Variants in PALS2 observed in about 807,000 individuals in gnomAD.
PALS2 encodes the protein protein associated with LIN7 2, MAGUK p55 family member.
Under a neutral mutation model 61.6 loss-of-function variants are expected in PALS2, and 27 were observed. The observed-to-expected ratio is 0.44, with a 90% CI of 0.32 to 0.60. The LOEUF is 0.60. PALS2 is among the 20% of genes least tolerant of loss of function. The pLI, the probability that PALS2 is intolerant of heterozygous loss-of-function variation, is 0.05. For missense variants in PALS2, 554 were observed against 639.4 expected (o/e 0.87, Z 1.44); for synonymous variants, 236 against 218.6 (o/e 1.08, Z -0.70).
Position 24,623,710 on chromosome 7 carries a change from A to G in PALS2, c.43A>G (p.Thr15Ala), listed in dbSNP as rs1248145833. The G allele has an allele frequency of 1.2e-6, 2 of 1,608,696 alleles. No individual in the cohort carries two copies. The highest frequency in any genetic ancestry group is 1.7e-4 in the Middle Eastern group (1 of 6,036). The change falls in exon 2 of 12, where the codon ACT becomes GCT. Residue 15 changes from threonine (T) to alanine (A), a missense_variant. Thr to Ala is a moderately conservative substitution (Grantham distance 58). Transcript: ENST00000222644. ...LENLTELPSS[T>A]GAEEIDLIFL... ...AAACCTTACGGAGCTGCCCTCGTCTACTGGAGCAGAAGAAATAGACCTAAT... is the reference window on the plus strand; with the variant it reads ...AAACCTTACGGAGCTGCCCTCGTCTGCTGGAGCAGAAGAAATAGACCTAAT...
At chr7:24,584,839 A>G (rs1048457410) in intron 1 of PALS2, among the ~76,000 whole-genome samples, 4 of 151,760 alleles carry the variant, frequency 2.6e-5, no homozygotes, top group African/African-American at 9.7e-5. Flanking sequence ...TAATTTTTGT[A>G]TAAGGTGTAA....
At chr7:24,641,934 A>G (rs1462423900) in intron 3 of PALS2, 66 bp downstream of exon 3, 1 of 1,493,554 alleles carries the variant, frequency 6.7e-7, no homozygotes, top group Admixed American at 2.1e-5. Context: ...TTTACTTTCC[A>G]GTTTAAGGTG....
chr7:24,660,418 A>G (rs187125497), intron 5 of PALS2, among the ~76,000 whole-genome samples: 189 of 151,970 alleles, frequency 1.2e-3, no homozygotes, highest in African/African-American at 4.2e-3. Flanking sequence ...ATCCTTTTTC[A>G]CCTTTCACCT....
chr7:24,677,872 A>G (rs1158884424), intron 9 of PALS2, among the ~76,000 whole-genome samples: 1 of 152,214 alleles, frequency 6.6e-6, no homozygotes, highest in African/African-American at 2.4e-5. Flanking sequence ...GTCCTATTAT[A>G]CATAATGATC....
chr7:24,643,616 A>G (rs895697946), intron 3 of PALS2, among the ~76,000 whole-genome samples: 2 of 152,134 alleles, frequency 1.3e-5, no homozygotes, highest in East Asian at 1.9e-4. Flanking sequence ...GTTTGTACAT[A>G]TAAGTGTCCA....
At chr7:24,686,705 C>A (rs1788222119) in intron 11 of PALS2, among the ~76,000 whole-genome samples, 1 of 152,078 alleles carries the variant, frequency 6.6e-6, no homozygotes, top group Non-Finnish European at 1.5e-5. Flanking sequence ...ATTGTCATAC[C>A]CACTGATTCT....
At chr7:24,679,791 C>G (rs1787820985) in intron 10 of PALS2, among the ~76,000 whole-genome samples, 1 of 152,148 alleles carries the variant, frequency 6.6e-6, no homozygotes. Flanking sequence ...AGCCCAACCT[C>G]ACGTCCCTAC....
intron 1 of PALS2, among the ~76,000 whole-genome samples, chr7:24,589,923 C>T (rs1323364923): frequency 6.6e-6 from 1 of 152,070 alleles, no homozygotes; most frequent in Non-Finnish European, 1.5e-5. Context: ...GCAGGATTGT[C>T]CTGACCTGAA....
At chr7:24,630,154 A>T (rs532441888) in intron 2 of PALS2, among the ~76,000 whole-genome samples, 10 of 152,334 alleles carry the variant, frequency 6.6e-5, no homozygotes, top group African/African-American at 2.2e-4. Flanking sequence ...GCCATAAAAA[A>T]TGATGAGTTC....
intron 5 of PALS2, among the ~76,000 whole-genome samples, chr7:24,659,779 A>G (rs1334153492): frequency 6.6e-6 from 1 of 152,216 alleles, no homozygotes; most frequent in African/African-American, 2.4e-5. Context: ...GGAAAGAGCT[A>G]CACAGAGAGA....
At chr7:24,594,057 A>G (rs1056384127) in intron 1 of PALS2, among the ~76,000 whole-genome samples, 2 of 152,140 alleles carry the variant, frequency 1.3e-5, no homozygotes, top group African/African-American at 4.8e-5. Flanking sequence ...GATCTTAGCT[A>G]GATCTTTTGG....
chr7:24,665,130 A>G (rs1583975804), intron 6 of PALS2, among the ~76,000 whole-genome samples: 1 of 150,976 alleles, frequency 6.6e-6, no homozygotes, highest in East Asian at 2.0e-4. Flanking sequence ...GGATATTCAG[A>G]CTCCTGGTGG....
At chr7:24,587,196 A>G (rs976562456) in intron 1 of PALS2, among the ~76,000 whole-genome samples, 1 of 152,112 alleles carries the variant, frequency 6.6e-6, no homozygotes, top group African/African-American at 2.4e-5. Context: ...TTATCCCTGC[A>G]TTATATACTG....
At position 24,620,404 on chromosome 7, in the gene PALS2, A is replaced by AT. The variant is rs1273117840; in HGVS notation, c.-2-3260dup. Reference sequence around the variant, plus strand: ...AAATATACAAACTAATTTGAGAATGATTGACAGCATTATAATATTTGAGAT... The same window carrying AT: ...AAATATACAAACTAATTTGAGAATGATTTGACAGCATTATAATATTTGAGAT... On this transcript the variant is annotated intron_variant, in intron 1 of 11. Coordinates refer to ENST00000222644, the MANE Select transcript of PALS2 (RefSeq NM_001303037.2). Among the ~76,000 whole-genome samples the AT allele has an allele frequency of 5.8e-4, 89 of 152,316 alleles. 1 individual carries two copies. Among genetic ancestry groups the AT allele is most frequent in the Non-Finnish European group, 1.6e-4 (11 of 68,008 alleles).
intron 1 of PALS2, among the ~76,000 whole-genome samples, chr7:24,574,708 T>C (rs1223200621): frequency 1.3e-5 from 2 of 152,200 alleles, no homozygotes; most frequent in Non-Finnish European, 2.9e-5. Flanking sequence ...TCTTGTAGTG[T>C]AGCTGAGAAC....
At chr7:24,649,010 G>A (rs1380526922) in intron 3 of PALS2, among the ~76,000 whole-genome samples, 1 of 151,704 alleles carries the variant, frequency 6.6e-6, no homozygotes, top group Admixed American at 6.6e-5. Flanking sequence ...CGTTATATTC[G>A]GGACTATTAC....
chr7:24,637,732 G>T (rs1785309279), intron 2 of PALS2, among the ~76,000 whole-genome samples: 2 of 152,190 alleles, frequency 1.3e-5, no homozygotes, highest in South Asian at 4.1e-4. Flanking sequence ...GAGTGTCCTT[G>T]AGTGAAATAC....
At chr7:24,665,106 C>T (rs1190611749) in intron 6 of PALS2, among the ~76,000 whole-genome samples, 1 of 152,130 alleles carries the variant, frequency 6.6e-6, no homozygotes, top group Non-Finnish European at 1.5e-5. Flanking sequence ...CTAGTTTAAA[C>T]TTACAAACTC....
intron 1 of PALS2, among the ~76,000 whole-genome samples, chr7:24,586,561 G>A (rs1167648057): frequency 6.6e-6 from 1 of 152,168 alleles, no homozygotes; most frequent in South Asian, 2.1e-4. Flanking sequence ...GATCAATGTG[G>A]TTAGAACAGA....
Sources: gnomAD v4.1 joint callset for allele counts (sites outside exome capture counted in the v4.1 genomes callset) on GRCh38, gnomAD v4.1.1 for gene constraint, MANE v1.5 for transcripts, NCBI Gene and HGNC (gene_info 2026-07-23, HGNC 2026-07-21) for gene names.